The following CPNE4 variants were observed in gnomAD, a reference collection of about 807,000 sequenced individuals.
CPNE4 encodes the protein copine-4.
CPNE4 carries 25 observed loss-of-function variants against 67.9 expected under a neutral mutation model. The ratio of observed to expected loss-of-function variants is 0.37; its 90% confidence interval spans 0.27 to 0.51. CPNE4 has a LOEUF of 0.51. CPNE4 is among the 20% of genes least tolerant of loss of function. CPNE4 has a pLI of 0.93. For missense variants in CPNE4, 464 were observed against 690.8 expected, an observed-to-expected ratio of 0.67 and a Z score of 3.68; for synonymous variants, 242 against 244.9, an observed-to-expected ratio of 0.99 and a Z score of 0.11.
chr3:131,854,271 AC>A (rs559864659), intron 2 of CPNE4, among the ~76,000 whole-genome samples: 18 of 152,052 alleles, frequency 1.2e-4, no homozygotes, highest in African/African-American at 3.4e-4. Context: ...GAGTGGCCAA[AC>A]AAAAAAGAGT....
intron 10 of CPNE4, among the ~76,000 whole-genome samples, chr3:131,565,368 A>G (rs1048996412): frequency 1.3e-5 from 2 of 152,032 alleles, no homozygotes; most frequent in African/African-American, 4.8e-5. Flanking sequence ...CTATTTTTTC[A>G]TATGATCTTG....
intron 1 of CPNE4, among the ~76,000 whole-genome samples, chr3:132,033,434 G>T (rs1215533774): frequency 1.3e-5 from 2 of 151,610 alleles, no homozygotes; most frequent in Admixed American, 6.6e-5. Flanking sequence ...TGTGTAGAGG[G>T]AGAGGTTCTC....
At chr3:131,679,478 T>C (rs1174062670) in intron 6 of CPNE4, among the ~76,000 whole-genome samples, 4 of 152,138 alleles carry the variant, frequency 2.6e-5, no homozygotes. Context: ...AGCTTTGGGA[T>C]TTGTTTGATC....
intron 2 of CPNE4, among the ~76,000 whole-genome samples, chr3:131,744,089 T>A (rs1159008277): frequency 1.3e-5 from 2 of 151,596 alleles, no homozygotes; most frequent in South Asian, 4.1e-4. Flanking sequence ...TAAGAAAAAT[T>A]TAAAAACTTG....
intron 7 of CPNE4, among the ~76,000 whole-genome samples, chr3:131,662,758 A>G (rs1031354064): frequency 2.6e-5 from 4 of 152,202 alleles, no homozygotes; most frequent in East Asian, 1.9e-4. Context: ...CAAAACCACA[A>G]TGAGATACCA....
At chr3:131,822,505 G>C (rs1451358007) in intron 2 of CPNE4, among the ~76,000 whole-genome samples, 1 of 152,116 alleles carries the variant, frequency 6.6e-6, no homozygotes, top group Non-Finnish European at 1.5e-5. Context: ...ATTTAACAAG[G>C]AGAAGATAAT....
chr3:131,906,797 T>A (rs1157607598), intron 1 of CPNE4, among the ~76,000 whole-genome samples: 1 of 151,800 alleles, frequency 6.6e-6, no homozygotes, highest in African/African-American at 2.4e-5. Context: ...CAAATGGTAT[T>A]TCCAGTTCTA....
intron 2 of CPNE4, among the ~76,000 whole-genome samples, chr3:131,806,857 A>G (rs1304998715): frequency 6.6e-6 from 1 of 152,182 alleles, no homozygotes; most frequent in Non-Finnish European, 1.5e-5. Context: ...CGAAAAACCT[A>G]ACATCCATTC....
At chr3:131,661,895 GC>G (rs1347194653) in intron 7 of CPNE4, among the ~76,000 whole-genome samples, 1 of 152,104 alleles carries the variant, frequency 6.6e-6, no homozygotes, top group African/African-American at 2.4e-5. Context: ...AATTCCAACT[GC>G]CTGTGTTTTG....
chr3:131,977,183 T>G (rs1458125648), intron 1 of CPNE4, among the ~76,000 whole-genome samples: 1 of 152,160 alleles, frequency 6.6e-6, no homozygotes, highest in Non-Finnish European at 1.5e-5. Flanking sequence ...GAAAATCAAA[T>G]ATTAACTAAT....
intron 2 of CPNE4, among the ~76,000 whole-genome samples, chr3:131,873,803 T>A (rs916008393): frequency 6.6e-6 from 1 of 152,220 alleles, no homozygotes; most frequent in Admixed American, 6.5e-5. Context: ...AAAGTGGTAG[T>A]ACATCCTGTG....
intron 1 of CPNE4, among the ~76,000 whole-genome samples, chr3:131,927,862 C>A (rs1410394793): frequency 6.6e-6 from 1 of 152,126 alleles, no homozygotes; most frequent in Non-Finnish European, 1.5e-5. Flanking sequence ...CATTCAAGGA[C>A]AACCTTAGAA....
chr3:131,751,583 A>T (rs1335152501), intron 2 of CPNE4, among the ~76,000 whole-genome samples: 1 of 152,074 alleles, frequency 6.6e-6, no homozygotes, highest in African/African-American at 2.4e-5. Context: ...CACTTTAATT[A>T]TGGCTGCTTT....
chr3:131,630,060 G>A (rs1008588627), intron 7 of CPNE4, among the ~76,000 whole-genome samples: 1 of 152,162 alleles, frequency 6.6e-6, no homozygotes, highest in Admixed American at 6.5e-5. Context: ...TGTAGGCATT[G>A]TGATTTAATG....
chr3:131,881,581 C>A (rs6808555), intron 2 of CPNE4, among the ~76,000 whole-genome samples: 10,906 of 152,136 alleles, frequency 0.072, 406 homozygotes, highest in East Asian at 0.1. Flanking sequence ...AAACTACAAT[C>A]TGGCTTCTCC....
chr3:131,910,234 A>G (rs537336187), intron 1 of CPNE4, among the ~76,000 whole-genome samples: 37 of 152,128 alleles, frequency 2.4e-4, no homozygotes, highest in African/African-American at 8.7e-4. Flanking sequence ...AGTTCTGGGG[A>G]AGGGGGGAGA....
chr3:131,889,210 G>A (rs375533639), intron 2 of CPNE4, among the ~76,000 whole-genome samples: 4 of 152,274 alleles, frequency 2.6e-5, no homozygotes, highest in Non-Finnish European at 4.4e-5. Context: ...ATGATCAAAT[G>A]CAGGCATAGG....
chr3:131,816,960 G>A (rs1258335178), intron 2 of CPNE4, among the ~76,000 whole-genome samples: 3 of 152,180 alleles, frequency 2.0e-5, no homozygotes, highest in African/African-American at 4.8e-5. Flanking sequence ...TTTGACAAAT[G>A]TGTATACTTG....
intron 1 of CPNE4, among the ~76,000 whole-genome samples, chr3:131,959,900 T>C (rs1473378226): frequency 6.6e-6 from 1 of 152,230 alleles, no homozygotes; most frequent in Non-Finnish European, 1.5e-5. Flanking sequence ...TTTTAATGAC[T>C]AGCCCTATTA....
Sources: allele counts gnomAD v4.1 joint callset (sites outside exome capture counted in the v4.1 genomes callset), GRCh38; gene constraint gnomAD v4.1.1; transcripts MANE v1.5; gene names NCBI Gene and HGNC (gene_info 2026-07-23, HGNC 2026-07-21).